The following ATP9A variants were observed in gnomAD, a reference collection of about 807,000 sequenced individuals.
The protein encoded by ATP9A is ATPase phospholipid transporting 9A, also known as probable phospholipid-transporting ATPase IIA.
A neutral mutation model predicts 144.1 loss-of-function variants in ATP9A; 52 were observed. The ratio of observed to expected loss-of-function variants is 0.36; its 90% CI spans 0.29 to 0.45. ATP9A has a LOEUF of 0.45. ATP9A is among the 20% of genes least tolerant of loss of function. ATP9A has a pLI of 1.00. For synonymous variants in ATP9A, 582 were observed against 557.4 expected, an observed-to-expected ratio of 1.04 and a Z score of -0.62; for missense variants, 947 against 1,392.7, an observed-to-expected ratio of 0.68 and a Z score of 5.09.
rs545854614 is a variant in ATP9A at position 51,707,019 on chromosome 20, C to A, written c.436+5947G>T. Reference sequence around the variant, plus strand: ...GGAAACTTCGCCTAATTGGGAACAGCAAGCTGCTGTTGGAACCTGGGGTTC... The same window carrying A: ...GGAAACTTCGCCTAATTGGGAACAGAAAGCTGCTGTTGGAACCTGGGGTTC... On this transcript the variant is annotated intron_variant, in intron 4 of 27. Coordinates refer to ENST00000338821, the MANE Select transcript of ATP9A (RefSeq NM_006045.3). 2.0e-5 allele frequency among the ~76,000 whole-genome samples: 3 copies of A among 152,282 alleles called. No individual in the cohort carries two copies. In the South Asian group the frequency reaches 6.2e-4, roughly 32 times the overall value.
intron 2 of ATP9A, among the ~76,000 whole-genome samples, chr20:51,728,973 G>T (rs187180305): frequency 1.3e-5 from 2 of 152,296 alleles, no homozygotes; most frequent in African/African-American, 4.8e-5. Flanking sequence ...TGGGGAGAAG[G>T]TTTGCTGAGT....
In ATP9A at chr20:51,602,168, G is replaced by C. The variant is rs546894914; in HGVS notation, c.3008-821C>G. On this transcript the variant is annotated intron_variant, in intron 27 of 27. Coordinates refer to ENST00000338821, the MANE Select transcript of ATP9A (RefSeq NM_006045.3). ...ACCCTCAGGGACTCTGATGGAAGGT[G>C]GGGGGGGCGGGCGTACTGCCTTTCC... 3.5e-5 allele frequency among the ~76,000 whole-genome samples: 5 copies of C among 143,536 alleles called. No homozygotes were observed. In the East Asian group the frequency reaches 5.8e-4, roughly 17 times the overall value. 94.2% of individuals were successfully genotyped at this position (143,536 alleles called of 152,430 possible). A position where few individuals can be genotyped will look rare whatever the true frequency, so the allele number is the denominator to read the frequency against.
At chr20:51,738,268 G>C (rs1276328312) in intron 1 of ATP9A, among the ~76,000 whole-genome samples, 3 of 152,068 alleles carry the variant, frequency 2.0e-5, no homozygotes, top group African/African-American at 7.2e-5. Context: ...GACCTCAGGT[G>C]ATCCACCCAC....
chr20:51,712,308 T>C (rs1211620823), intron 4 of ATP9A, among the ~76,000 whole-genome samples: 1 of 152,124 alleles, frequency 6.6e-6, no homozygotes, highest in African/African-American at 2.4e-5. Flanking sequence ...TCTCCGGACC[T>C]TGTGATCAGC....
chr20:51,698,936 G>A (rs2077581783), intron 4 of ATP9A, among the ~76,000 whole-genome samples: 1 of 152,198 alleles, frequency 6.6e-6, no homozygotes, highest in African/African-American at 2.4e-5. Flanking sequence ...AATTTATTCT[G>A]GTGATAGGTG....
chr20:51,642,770 C>A (rs932513889), intron 14 of ATP9A, among the ~76,000 whole-genome samples: 1 of 122,698 alleles, frequency 8.2e-6, no homozygotes, highest in Non-Finnish European at 1.7e-5. Flanking sequence ...AAAAACCTGG[C>A]GTTCCTCTTG....
rs1408903142 is a variant in ATP9A at position 51,613,788 on chromosome 20, T to C, written c.2460A>G (p.Gln820=). Residue 820 remains glutamine (Q), a synonymous_variant, in exon 23 of 28, where the codon CAA becomes CAG. Transcript: ENST00000338821. ...ASLAADFSIT[Q]FKHLGRLLMV... ...TAAGCAACCGGCCAAGATGCTTAAA[T>C]TGAGTGATGGAGAAGTCTGCAGCCA... The C allele has an allele frequency of 1.2e-6, 2 of 1,613,920 alleles. No individual in the cohort carries two copies. The highest frequency in any genetic ancestry group is 2.2e-5 in the East Asian group (1 of 44,878).
At chr20:51,760,029 G>C (rs1027961307) in intron 1 of ATP9A, among the ~76,000 whole-genome samples, 2 of 152,194 alleles carry the variant, frequency 1.3e-5, no homozygotes, top group South Asian at 2.1e-4. Context: ...CTACAAATAG[G>C]AGTCATTTTT....
chr20:51,758,499 C>T (rs978465813), intron 1 of ATP9A, among the ~76,000 whole-genome samples: 3 of 152,128 alleles, frequency 2.0e-5, no homozygotes, highest in Non-Finnish European at 2.9e-5. Flanking sequence ...CAAAGATGGC[C>T]GGTTCCATGC....
chr20:51,626,137 T>C (rs1174328257), intron 17 of ATP9A, among the ~76,000 whole-genome samples: 2 of 152,130 alleles, frequency 1.3e-5, no homozygotes, highest in East Asian at 3.9e-4. Flanking sequence ...ATCTATGGGA[T>C]GGGATGACAA....
intron 1 of ATP9A, among the ~76,000 whole-genome samples, chr20:51,740,359 A>G (rs2077779590): frequency 6.6e-6 from 1 of 150,498 alleles, no homozygotes; most frequent in African/African-American, 2.4e-5. Flanking sequence ...CGCCCCAGCC[A>G]ACACAAACCA....
intron 1 of ATP9A, among the ~76,000 whole-genome samples, chr20:51,759,584 A>C (rs1377739428): frequency 6.6e-6 from 1 of 152,080 alleles, no homozygotes; most frequent in Non-Finnish European, 1.5e-5. Flanking sequence ...GAGGCAAGAG[A>C]ATCGCTTGAA....
In ATP9A at chr20:51,627,629, G is replaced by C; in HGVS notation, c.1816C>G (p.Leu606Val). 1 of 1,614,184 alleles carries C rather than the reference G, an allele frequency of 6.2e-7. No individual in the cohort carries two copies. The change falls in exon 17 of 28, where the codon CTT becomes GTT. Residue 606 changes from leucine (L) to valine (V), a missense_variant. This residue lies in a region of ATP9A where 770 missense variants were observed against 1,047.9 expected (regional missense o/e 0.73). Coordinates refer to ENST00000338821, the MANE Select transcript of ATP9A (RefSeq NM_006045.3). ...AAGTCCTGATACTGCTCCTCTGCAA[G>C]AGACTTCTTTGCCACCACGAGCACC... ...LRVLVVAKKS[L>V]AEEQYQDFEA...
intron 1 of ATP9A, among the ~76,000 whole-genome samples, chr20:51,737,000 C>T (rs2077765656): frequency 6.6e-6 from 1 of 152,212 alleles, no homozygotes; most frequent in South Asian, 2.1e-4. Flanking sequence ...AACAATCCTA[C>T]AAGGTACTAG....
intron 1 of ATP9A, among the ~76,000 whole-genome samples, chr20:51,758,474 T>C (rs1322278667): frequency 6.6e-6 from 1 of 152,138 alleles, no homozygotes; most frequent in African/African-American, 2.4e-5. Context: ...TTCTGAGAAG[T>C]AAGGGACAAA....
intron 3 of ATP9A, among the ~76,000 whole-genome samples, chr20:51,723,950 C>A (rs896779646): frequency 1.3e-5 from 2 of 152,012 alleles, no homozygotes; most frequent in African/African-American, 4.8e-5. Flanking sequence ...GTGGGTGGAT[C>A]GCCTGAGGTC....
At chr20:51,633,517 G>A (rs1410523511) in intron 15 of ATP9A, among the ~76,000 whole-genome samples, 2 of 152,106 alleles carry the variant, frequency 1.3e-5, no homozygotes, top group African/African-American at 2.4e-5. Context: ...AGGTTGAAGC[G>A]GGAGGACAGC....
intron 9 of ATP9A, among the ~76,000 whole-genome samples, chr20:51,678,123 G>A (rs1236551874): frequency 2.0e-5 from 3 of 150,798 alleles, no homozygotes; most frequent in Non-Finnish European, 4.4e-5. Flanking sequence ...ATACAGGACT[G>A]GGTGGCAGGG....
intron 9 of ATP9A, among the ~76,000 whole-genome samples, chr20:51,683,504 G>C (rs780700327): frequency 1.3e-5 from 2 of 151,848 alleles, no homozygotes; most frequent in African/African-American, 2.4e-5. Context: ...GGATGGTCTC[G>C]ATCTCCTGAC....
Sources: gnomAD v4.1 joint callset for allele counts (sites outside exome capture counted in the v4.1 genomes callset) on GRCh38, gnomAD v4.1.1 for gene constraint, gnomAD v4.1.1 regional missense constraint, MANE v1.5 for transcripts, NCBI Gene and HGNC (gene_info 2026-07-23, HGNC 2026-07-21) for gene names.